The following FOXN3 variants were observed in gnomAD, a reference collection of about 807,000 sequenced individuals.
The protein encoded by FOXN3 is forkhead box protein N3.
FOXN3 carries 7 observed loss-of-function variants against 38.4 expected under a neutral mutation model. That is an observed-to-expected ratio of 0.18 (90% confidence interval 0.10 to 0.34). FOXN3 has a LOEUF of 0.34. Ranked by LOEUF, FOXN3 falls within the 10% of genes least tolerant of loss-of-function variation. The probability of loss-of-function intolerance (pLI) is 1.00; values close to 1 mark genes in which losing one functional copy is unlikely to be tolerated. For missense variants in FOXN3, 456 were observed against 613.4 expected (o/e 0.74, Z 2.71); for synonymous variants, 230 against 242.2 (o/e 0.95, Z 0.47).
intron 3 of FOXN3, among the ~76,000 whole-genome samples, chr14:89,318,841 C>A (rs1596179912): frequency 2.0e-5 from 3 of 152,358 alleles, no homozygotes; most frequent in Admixed American, 1.3e-4. Flanking sequence ...CCCGATGCAT[C>A]TGTATTCTAT....
chr14:89,270,762 AT>A (rs1486488843), intron 4 of FOXN3, among the ~76,000 whole-genome samples: 2 of 151,984 alleles, frequency 1.3e-5, no homozygotes, highest in Admixed American at 1.3e-4. Context: ...TGCAAGAGGG[AT>A]TTTTTTTCAT....
rs150069494 is a variant in FOXN3, at chr14:89,601,719, TA to T, written c.-15+17308del. The stretch of plus-strand genomic sequence containing the variant: ...CAGGTCAGCCTTCTTATGGGAGGCC[TA>T]AAACCAAAGGAAAAATGAGTGCAAG... On this transcript the variant is annotated intron_variant, in intron 1 of 6. Coordinates refer to the FOXN3 transcript ENST00000345097. 8.3e-3 allele frequency among the ~76,000 whole-genome samples: 1,264 copies of T among 152,246 alleles called. 17 individuals are homozygous for T. The highest frequency in any genetic ancestry group is 0.029 in the African/African-American group (1,214 of 41,536).
intron 1 of FOXN3, among the ~76,000 whole-genome samples, chr14:89,476,145 G>A (rs1303374898): frequency 1.3e-5 from 2 of 152,146 alleles, no homozygotes; most frequent in Non-Finnish European, 2.9e-5. Flanking sequence ...ATGTTTGCAT[G>A]TCACAAACAC....
chr14:89,436,131 G>A (rs1021977586), intron 1 of FOXN3, among the ~76,000 whole-genome samples: 9 of 151,396 alleles, frequency 5.9e-5, no homozygotes, highest in South Asian at 2.1e-4. Flanking sequence ...GTGTGCCACC[G>A]CGCCCGGCCT....
intron 1 of FOXN3, among the ~76,000 whole-genome samples, chr14:89,472,697 G>A (rs891622478): frequency 6.8e-6 from 1 of 148,086 alleles, no homozygotes; most frequent in South Asian, 2.2e-4. Context: ...CTCCAGCCTG[G>A]GTGACGGAGC....
rs1184196852 is a variant in FOXN3, at chr14:89,320,119, C to G, written c.680+30553G>C. ...GCCGGGAAGGGGAAGATAGAGGTTA[C>G]AGTACTTCATTTTTAAGAAAAAGGG... On this transcript the variant is annotated intron_variant, in intron 3 of 5. Transcript: ENST00000557258. 2.0e-5 allele frequency among the ~76,000 whole-genome samples: 3 copies of G among 152,158 alleles called. No individual in the cohort carries two copies. In the East Asian group the frequency reaches 5.8e-4, roughly 29 times the overall value.
At chr14:89,315,274 T>C (rs574518426) in intron 3 of FOXN3, among the ~76,000 whole-genome samples, 2 of 152,282 alleles carry the variant, frequency 1.3e-5, no homozygotes, top group African/African-American at 4.8e-5. Flanking sequence ...TGTCTCTTGG[T>C]GCAGCATCAC....
chr14:89,377,933 A>G lies in FOXN3; in HGVS notation c.544-27125T>C, dbSNP rs150918368. On this transcript the variant is annotated intron_variant, in intron 2 of 5. Transcript: ENST00000557258. ...TTGGACACAGACATACACAGAGAAG[A>G]CCATGTGGAAGACATGTGGGGAAGG... 4.6e-4 allele frequency among the ~76,000 whole-genome samples: 70 copies of G among 152,342 alleles called. 1 individual carries two copies. The East Asian group carries it at 0.012, about 25-fold the overall frequency.
intron 1 of FOXN3, among the ~76,000 whole-genome samples, chr14:89,468,035 T>C (rs991542814): frequency 1.9e-4 from 29 of 151,830 alleles, no homozygotes; most frequent in African/African-American, 6.8e-4. Flanking sequence ...TGAGCATATA[T>C]ATGCATGCAC....
intron 4 of FOXN3, among the ~76,000 whole-genome samples, chr14:89,258,426 T>C (rs888255289): frequency 5.9e-5 from 9 of 152,214 alleles, no homozygotes; most frequent in Non-Finnish European, 1.2e-4. Flanking sequence ...ATGATGACGA[T>C]GATGATGATG....
chr14:89,595,590 C>T (rs1030272839), intron 1 of FOXN3, among the ~76,000 whole-genome samples: 3 of 152,206 alleles, frequency 2.0e-5, no homozygotes, highest in African/African-American at 7.2e-5. Flanking sequence ...ACAACTTAAC[C>T]GAAATTTATT....
intron 1 of FOXN3, among the ~76,000 whole-genome samples, chr14:89,423,707 C>T (rs553220638): frequency 6.6e-6 from 1 of 152,330 alleles, no homozygotes; most frequent in South Asian, 2.1e-4. Context: ...ATTGTGATAT[C>T]TCATTTCATC....
chr14:89,587,287 A>G (rs1596325703), intron 1 of FOXN3, among the ~76,000 whole-genome samples: 1 of 152,366 alleles, frequency 6.6e-6, no homozygotes, highest in Non-Finnish European at 1.5e-5. Context: ...TCTCTTCTAG[A>G]AAATCCCTTC....
intron 1 of FOXN3, among the ~76,000 whole-genome samples, chr14:89,433,358 T>C (rs56206332): frequency 0.034 from 5,177 of 152,256 alleles, 138 homozygotes; most frequent in Middle Eastern, 0.099. Flanking sequence ...GGTGCGGGCT[T>C]GTAGTCCCAG....
chr14:89,257,581 A>G (rs1885663261), intron 4 of FOXN3, among the ~76,000 whole-genome samples: 1 of 152,162 alleles, frequency 6.6e-6, no homozygotes, highest in Non-Finnish European at 1.5e-5. Flanking sequence ...AATTTTCACC[A>G]TAAAGAGTCT....
intron 1 of FOXN3, among the ~76,000 whole-genome samples, chr14:89,514,956 G>A (rs977852310): frequency 6.7e-6 from 1 of 150,368 alleles, no homozygotes; most frequent in Non-Finnish European, 1.5e-5. Context: ...GAGTCTCGCC[G>A]TCTCCTAGGC....
chr14:89,303,227 C>T (rs1387459374), intron 3 of FOXN3, among the ~76,000 whole-genome samples: 1 of 152,026 alleles, frequency 6.6e-6, no homozygotes, highest in Non-Finnish European at 1.5e-5. Context: ...TACTCAGTTG[C>T]CCCTGCTTGG....
rs556664977 is a variant in FOXN3, at chr14:89,163,054, G to A, written c.852-85C>T. The A allele has an allele frequency of 9.5e-6, 12 of 1,265,420 alleles. No homozygotes were observed. The highest frequency in any genetic ancestry group is 5.2e-5 in the East Asian group (2 of 38,822). 78.4% of individuals were successfully genotyped at this position (1,265,420 alleles called of 1,614,324 possible). ...CTCAGATGGGGGCACCCGGCAGCCC[G>A]CCTGCATTCAACCATCAGTCCCTTT... On this transcript the variant is annotated intron_variant, in intron 5 of 5. Coordinates refer to ENST00000557258, the MANE Select transcript of FOXN3 (RefSeq NM_005197.4). This position sits in a 1 kb window ranked among gnomAD's most constrained non-coding sequence, Gnocchi z 4.3.
At chr14:89,310,811 T>C (rs995124754) in intron 3 of FOXN3, among the ~76,000 whole-genome samples, 1 of 151,946 alleles carries the variant, frequency 6.6e-6, no homozygotes, top group African/African-American at 2.4e-5. Flanking sequence ...ACATGAAAAA[T>C]CCTTATATCT....
Sources: allele counts gnomAD v4.1 joint callset (sites outside exome capture counted in the v4.1 genomes callset), GRCh38; gene constraint gnomAD v4.1.1; non-coding constraint Gnocchi (gnomAD v3.1); transcripts MANE v1.5; gene names NCBI Gene and HGNC (gene_info 2026-07-23, HGNC 2026-07-21).